LRBA: variants seen among roughly 807,000 people sequenced by gnomAD.
LRBA encodes LPS responsive beige-like anchor protein.
In LRBA, 176 loss-of-function variants were observed where a neutral mutation model predicts 330.0. The observed-to-expected ratio is 0.53, with a 90% CI of 0.47 to 0.60. The LOEUF (loss-of-function observed/expected upper bound fraction) is 0.60, where lower values mean the gene tolerates loss of function less well. LRBA is among the 20% of genes least tolerant of loss of function. The pLI is 0.00. For synonymous variants in LRBA, 1,230 were observed against 1,193.0 expected, an observed-to-expected ratio of 1.03 and a Z score of -0.64; for missense variants, 3,259 against 3,444.8, an observed-to-expected ratio of 0.95 and a Z score of 1.35.
intron 49 of LRBA, among the ~76,000 whole-genome samples, chr4:150,322,290 A>G (rs751730425): frequency 1.3e-5 from 2 of 152,212 alleles, no homozygotes; most frequent in Non-Finnish European, 2.9e-5. Context: ...CTTACAACCC[A>G]TATGTCATAA....
intron 28 of LRBA, among the ~76,000 whole-genome samples, chr4:150,833,525 G>A (rs1242575277): frequency 1.1e-4 from 17 of 152,054 alleles, no homozygotes; most frequent in African/African-American, 4.8e-5. Context: ...TTTAGTTTCC[G>A]AGTGTATATA....
chr4:150,431,039 C>T (rs1750315067), intron 46 of LRBA, among the ~76,000 whole-genome samples: 1 of 152,064 alleles, frequency 6.6e-6, no homozygotes, highest in African/African-American at 2.4e-5. Context: ...TAGATATTTG[C>T]CTAATATTTA....
chr4:150,286,034 C>T lies in LRBA; in HGVS notation c.8018G>A (p.Ser2673Asn). Residue 2673 changes from serine (S) to asparagine (N), a missense_variant and splice_region_variant, in exon 54 of 57, where the codon AGT becomes AAT. Coordinates refer to ENST00000651943, the MANE Select transcript of LRBA (RefSeq NM_001364905.1). ...KCSGIGDNPGSETAAPRAILT... is the reference protein window; with the variant it reads ...KCSGIGDNPGNETAAPRAILT... Reference sequence around the variant, plus strand: ...AATGGCCCGAGGAGCAGCAGTCTCACCTTTAGGAAAAAACAGATAAAAAGA... The same window carrying T: ...AATGGCCCGAGGAGCAGCAGTCTCATCTTTAGGAAAAAACAGATAAAAAGA... 1.3e-6 allele frequency: 2 copies of T among 1,554,048 alleles called. No homozygotes were observed. The highest frequency in any genetic ancestry group is 1.7e-6 in the Non-Finnish European group (2 of 1,148,892).
Position 150,321,199 on chromosome 4 carries a change from T to C in LRBA, c.7622A>G (p.Asn2541Ser), listed in dbSNP as rs1244365147. Residue 2541 changes from asparagine (N) to serine (S), a missense_variant, in exon 50 of 57, where the codon AAC becomes AGC. Asn to Ser is a conservative substitution (Grantham distance 46). Coordinates refer to ENST00000651943, the MANE Select transcript of LRBA (RefSeq NM_001364905.1). This position sits in a 1 kb window ranked among gnomAD's most constrained non-coding sequence, Gnocchi z 4.5. ...GGTATTTCTTTACTTACCAGGAAGGTTGTGCCATTTGTTCACCGCAAATAA... is the reference window on the plus strand; with the variant it reads ...GGTATTTCTTTACTTACCAGGAAGGCTGTGCCATTTGTTCACCGCAAATAA... The part of the protein sequence containing the change: ...NRLFAVNKWH[N>S]LPAHQGAVQD... The C allele has an allele frequency of 3.1e-6, 5 of 1,608,106 alleles. No homozygotes were observed. The highest frequency in any genetic ancestry group is 1.3e-5 in the African/African-American group (1 of 74,612).
rs1244666353 is a variant in LRBA, at chr4:150,736,448, G to GA, written c.5646-1083dup. 2.7e-5 allele frequency among the ~76,000 whole-genome samples: 4 copies of GA among 150,328 alleles called. 1 individual carries two copies. The highest frequency in any genetic ancestry group is 9.8e-5 in the African/African-American group (4 of 40,978). On this transcript the variant is annotated intron_variant, in intron 35 of 56. Transcript: ENST00000651943. ...AAAGAATGAAAACTGTAGAAGAACT[G>GA]AAAAAAAATAAATAAATATAAAAAT... is the stretch of plus-strand genomic sequence containing the variant.
chr4:150,848,717 A>T, intron 26 of LRBA, 101 bp downstream of exon 26: 1 of 907,980 alleles, frequency 1.1e-6, no homozygotes, highest in Non-Finnish European at 1.7e-6. Flanking sequence ...ATTAGCTAAC[A>T]TATATTTTCT....
Position 150,472,120 on chromosome 4 carries a change from T to C in LRBA, c.6552-381A>G, listed in dbSNP as rs188477838. On this transcript the variant is annotated intron_variant, in intron 42 of 56. Coordinates refer to ENST00000651943, the MANE Select transcript of LRBA (RefSeq NM_001364905.1). ...ATGTCTTTATTAATTGTAATAGTTA[T>C]CTTAAATGAACACATTTTTACATTA... 4.2e-3 allele frequency among the ~76,000 whole-genome samples: 644 copies of C among 152,196 alleles called. 5 individuals carry two copies. Among genetic ancestry groups the C allele is most frequent in the African/African-American group, 0.015 (608 of 41,566 alleles).
At chr4:150,818,397 G>A (rs1307955252) in intron 30 of LRBA, among the ~76,000 whole-genome samples, 1 of 151,960 alleles carries the variant, frequency 6.6e-6, no homozygotes, top group African/African-American at 2.4e-5. Context: ...AAGGGTGACT[G>A]CCAATGTTAA....
At chr4:150,323,933 C>T (rs1444738447) in intron 49 of LRBA, among the ~76,000 whole-genome samples, 1 of 152,150 alleles carries the variant, frequency 6.6e-6, no homozygotes, top group South Asian at 2.1e-4. Context: ...CATCAGTTTT[C>T]CCAGATTAAG....
chr4:150,821,412 G>T (rs1745422079), intron 30 of LRBA, among the ~76,000 whole-genome samples: 1 of 151,816 alleles, frequency 6.6e-6, no homozygotes, highest in Non-Finnish European at 1.5e-5. Flanking sequence ...ATATTATTAT[G>T]CTAATTTTAC....
At chr4:150,440,378 G>GA (rs1285976035) in intron 44 of LRBA, among the ~76,000 whole-genome samples, 2 of 151,624 alleles carry the variant, frequency 1.3e-5, no homozygotes, top group South Asian at 2.1e-4. Flanking sequence ...TACAAACTAA[G>GA]AAAAAATCTC....
chr4:150,487,401 G>A (rs550303242), intron 42 of LRBA, among the ~76,000 whole-genome samples: 1 of 151,034 alleles, frequency 6.6e-6, no homozygotes, highest in South Asian at 2.1e-4. Flanking sequence ...CTTTTCTTGG[G>A]GTAAGGTTAG....
At chr4:150,360,519 T>A (rs1298721537) in intron 47 of LRBA, among the ~76,000 whole-genome samples, 1 of 152,186 alleles carries the variant, frequency 6.6e-6, no homozygotes, top group Non-Finnish European at 1.5e-5. Flanking sequence ...CACATGTGAC[T>A]AGTGGTTATC....
rs749266036 is a variant in LRBA, at chr4:150,806,349, T to C, written c.5440A>G (p.Ile1814Val). 1 of 1,610,690 alleles carries C rather than the reference T, an allele frequency of 6.2e-7. No homozygotes were observed. The highest frequency in any genetic ancestry group is 1.1e-5 in the South Asian group (1 of 90,584). ...AGAAAAGGTGCAAAATCCACAAAAA[T>C]CTCACGAAGGAGAGGAGCTGCCTTT... ...LEKAAPLLRE[I>V]FVDFAPFLSR... Residue 1814 changes from isoleucine (I) to valine (V), a missense_variant, in exon 33 of 57, where the codon ATT becomes GTT. Coordinates refer to ENST00000651943, the MANE Select transcript of LRBA (RefSeq NM_001364905.1).
chr4:150,999,918 T>C (rs985075582), intron 2 of LRBA, among the ~76,000 whole-genome samples: 26 of 152,294 alleles, frequency 1.7e-4, no homozygotes, highest in East Asian at 5.8e-4. Context: ...AGGGTATACA[T>C]TGCAAGACCC....
At chr4:150,639,360 T>TAA (rs371245495) in intron 37 of LRBA, among the ~76,000 whole-genome samples, 32,287 of 106,320 alleles carry the variant, frequency 0.3, 5,646 homozygotes, top group Non-Finnish European at 0.4. Flanking sequence ...TAAAGTATAA[T>TAA]AAAAAAAAAA....
intron 37 of LRBA, among the ~76,000 whole-genome samples, chr4:150,647,352 CTTTTTTTTTTTT>C (rs769403201): frequency 2.5e-5 from 2 of 79,798 alleles, no homozygotes. Context: ...ATTACTTTTT[CTTTTTTTTTTTT>C]TTTTTTTTTT....
At chr4:150,561,799 C>T (rs61655905) in intron 40 of LRBA, among the ~76,000 whole-genome samples, 12,159 of 152,056 alleles carry the variant, frequency 0.08, 839 homozygotes, top group East Asian at 0.18. Flanking sequence ...TTTTCTCTTA[C>T]AAAAAGTGTA....
chr4:151,013,811 T>C (rs929126505), intron 2 of LRBA: 18 of 152,168 alleles, frequency 1.2e-4, no homozygotes, highest in African/African-American at 4.1e-4. Flanking sequence ...ATAAAAATTA[T>C]ACTGTATCTG....
Sources: gnomAD v4.1 joint callset for allele counts (sites outside exome capture counted in the v4.1 genomes callset) on GRCh38, gnomAD v4.1.1 for gene constraint, Gnocchi (gnomAD v3.1) non-coding constraint, MANE v1.5 for transcripts, NCBI Gene and HGNC (gene_info 2026-07-23, HGNC 2026-07-21) for gene names.